RASGRP1: variants seen among roughly 807,000 people sequenced by gnomAD.
RASGRP1 encodes the protein RAS guanyl releasing protein 1, also known as RAS guanyl-releasing protein 1.
RASGRP1 carries 37 observed loss-of-function variants against 95.1 expected under a neutral mutation model. That is an observed-to-expected ratio of 0.39 (90% CI 0.30 to 0.51). The LOEUF (loss-of-function observed/expected upper bound fraction) is 0.51, where lower values mean the gene tolerates loss of function less well. RASGRP1 is among the 20% of genes least tolerant of loss of function. RASGRP1 has a pLI of 0.80. For missense variants in RASGRP1, 711 were observed against 965.4 expected (o/e 0.74, Z 3.49); for synonymous variants, 325 against 353.4 (o/e 0.92, Z 0.90).
intron 3 of RASGRP1, among the ~76,000 whole-genome samples, chr15:38,522,148 T>C (rs958747272): frequency 2.6e-5 from 4 of 152,178 alleles, no homozygotes; most frequent in African/African-American, 9.7e-5. Context: ...TAAGCCTTGC[T>C]CCCTGCCCTT....
At chr15:38,511,023 A>G (rs931723088) in intron 8 of RASGRP1, among the ~76,000 whole-genome samples, 4 of 152,238 alleles carry the variant, frequency 2.6e-5, no homozygotes, top group African/African-American at 9.6e-5. Flanking sequence ...TATATTCTGT[A>G]AAATCTAATA....
At chr15:38,556,029 GA>G (rs544950795) in intron 2 of RASGRP1, among the ~76,000 whole-genome samples, 362 of 151,896 alleles carry the variant, frequency 2.4e-3, no homozygotes, top group Non-Finnish European at 4.0e-3. Flanking sequence ...CTTGTAAAGG[GA>G]AAAAAAATAA....
At position 38,559,898 on chromosome 15, in the gene RASGRP1, C is replaced by T. The variant is rs202243185; in HGVS notation, c.143G>A (p.Arg48Gln). 145 of 1,613,788 alleles carry T rather than the reference C, an allele frequency of 9.0e-5. No individual in the cohort carries two copies. In the African/African-American group the frequency reaches 1.6e-3, roughly 18 times the overall value. The change falls in exon 2 of 17, where the codon CGA becomes CAA. Residue 48 changes from arginine to glutamine, a missense_variant. Physicochemically the swap from Arg to Gln is conservative, Grantham distance 43. This residue lies in a region of RASGRP1 where 491 missense variants were observed against 676.6 expected (regional missense o/e 0.73). Transcript: ENST00000310803. ...HPSLAHITQF[R>Q]MMVSLGHLAK... ...TAAATGTCCCAGAGACACCATCATT[C>T]GGAACTGGGTGATGTGGGCCAAGCT...
intron 2 of RASGRP1, among the ~76,000 whole-genome samples, chr15:38,538,569 C>A (rs1892749176): frequency 6.6e-6 from 1 of 152,096 alleles, no homozygotes; most frequent in African/African-American, 2.4e-5. Flanking sequence ...GTATATTAAC[C>A]CTGTGAGACA....
chr15:38,558,515 C>T (rs914830800), intron 2 of RASGRP1, among the ~76,000 whole-genome samples: 38 of 152,316 alleles, frequency 2.5e-4, no homozygotes, highest in African/African-American at 7.7e-4. Context: ...TCGCGAAGTG[C>T]GCTTCTTGGG....
chr15:38,564,139 G>A (rs1272523625), intron 1 of RASGRP1, among the ~76,000 whole-genome samples: 1 of 152,212 alleles, frequency 6.6e-6, no homozygotes, highest in African/African-American at 2.4e-5. Context: ...TGCCACCTCT[G>A]CGGGCTCCCT....
chr15:38,554,507 G>A (rs111831591), intron 2 of RASGRP1, among the ~76,000 whole-genome samples: 2,625 of 152,172 alleles, frequency 0.017, 38 homozygotes, highest in South Asian at 0.024. Context: ...TCTCTACAGC[G>A]GGGCCTGCAA....
rs1401820888 is a variant in RASGRP1 at position 38,512,789 on chromosome 15, C to G, written c.843G>C (p.Val281=). ...TCTTAAACCAGTTATTCACCTGAGC[C>G]ACCTGGATGAACTTGATGAAGACTT... ...RAEVFIKFIQ[V]AQKLHQLQNF... is the part of the protein sequence containing the mutation. Residue 281 remains valine, a synonymous_variant, in exon 7 of 17, where the codon GTG becomes GTC. Transcript: ENST00000310803. 6.2e-7 allele frequency: 1 copy of G among 1,613,662 alleles called. No homozygotes were observed. Among genetic ancestry groups the G allele is most frequent in the South Asian group, 1.1e-5 (1 of 91,068 alleles).
intron 1 of RASGRP1, among the ~76,000 whole-genome samples, chr15:38,564,353 G>A (rs970357212): frequency 6.6e-6 from 1 of 152,134 alleles, no homozygotes; most frequent in Non-Finnish European, 1.5e-5. Flanking sequence ...CACCGGACGA[G>A]CTCTGGCCTC....
Position 38,503,351 on chromosome 15 carries a change from A to G in RASGRP1, c.1349T>C (p.Val450Ala). 2 of 1,611,678 alleles carry G rather than the reference A, an allele frequency of 1.2e-6. No homozygotes were observed. Among genetic ancestry groups the G allele is most frequent in the Non-Finnish European group, 1.7e-6 (2 of 1,178,824 alleles). The part of the protein sequence containing the change: ...APPLTPSKPP[V>A]VVDWASGVSP... Reference sequence around the variant, plus strand: ...CACTCCAGAAGCCCAGTCCACTACTACTGGTGGCTTTGAAGGTGTTAGTGG... The same window carrying G: ...CACTCCAGAAGCCCAGTCCACTACTGCTGGTGGCTTTGAAGGTGTTAGTGG... Residue 450 changes from valine to alanine, a missense_variant, in exon 11 of 17, where the codon GTA becomes GCA. Coordinates refer to ENST00000310803, the MANE Select transcript of RASGRP1 (RefSeq NM_005739.4).
chr15:38,507,685 A>G lies in RASGRP1; in HGVS notation c.1242+41T>C, dbSNP rs374614017. 9 of 1,540,142 alleles carry G rather than the reference A, an allele frequency of 5.8e-6. No homozygotes were observed. In the African/African-American group the frequency reaches 8.2e-5, roughly 14 times the overall value. The stretch of plus-strand genomic sequence containing the variant: ...AGGGGTATAGAATGGCACCTGGCAC[A>G]CAGAAAGTGCTTAGTAATTGTCCTC... On this transcript the variant is annotated intron_variant, in intron 9 of 16. Transcript: ENST00000310803.
In RASGRP1 at chr15:38,503,283, T is replaced by A; in HGVS notation, c.1417A>T (p.Arg473Trp). ...ACAGCTGTACTTACATCCACCATCC[T>A]CTGGACGTGTTTGCTAATGGTTTTT... ...DPKTISKHVQ[R>W]MVDSVFKNYD... Residue 473 changes from arginine to tryptophan, a missense_variant, in exon 11 of 17, where the codon AGG (arginine) becomes TGG (tryptophan). Coordinates refer to ENST00000310803, the MANE Select transcript of RASGRP1 (RefSeq NM_005739.4). 6.2e-7 allele frequency: 1 copy of A among 1,608,468 alleles called. No individual in the cohort carries two copies. The highest frequency in any genetic ancestry group is 1.3e-5 in the African/African-American group (1 of 74,952).
intron 8 of RASGRP1, 47 bp downstream of exon 8, chr15:38,511,557 A>AT (rs1364928699): frequency 1.0e-5 from 15 of 1,436,578 alleles, no homozygotes; most frequent in African/African-American, 4.2e-5. Context: ...GTTGGCACAC[A>AT]TCTTGAGAAT....
chr15:38,539,372 T>C (rs1231867659), intron 2 of RASGRP1, among the ~76,000 whole-genome samples: 1 of 152,194 alleles, frequency 6.6e-6, no homozygotes, highest in African/African-American at 2.4e-5. Flanking sequence ...ACTACAATTC[T>C]GCATGATCGA....
intron 8 of RASGRP1, among the ~76,000 whole-genome samples, chr15:38,509,810 T>A (rs1358241803): frequency 6.6e-6 from 1 of 152,216 alleles, no homozygotes; most frequent in African/African-American, 2.4e-5. Flanking sequence ...CTCAGATAAC[T>A]GAAACTACAG....
rs548746280 is a variant in RASGRP1, at chr15:38,522,995, G to A, written c.326+3304C>T. 5.9e-5 allele frequency among the ~76,000 whole-genome samples: 9 copies of A among 152,242 alleles called. No homozygotes were observed. The East Asian group carries it at 1.3e-3, about 23-fold the overall frequency. On this transcript the variant is annotated intron_variant, in intron 3 of 16. Coordinates refer to ENST00000310803, the MANE Select transcript of RASGRP1 (RefSeq NM_005739.4). ...GACAGTGGTTCAGGAGAGAGACCAC[G>A]GAGACATGAACTAAGGCATGGTATG...
chr15:38,535,192 C>A (rs554220866), intron 2 of RASGRP1, among the ~76,000 whole-genome samples: 26 of 152,134 alleles, frequency 1.7e-4, no homozygotes, highest in Non-Finnish European at 1.2e-4. Flanking sequence ...AGTAGAGGAA[C>A]CTCCACAAGA....
Position 38,551,842 on chromosome 15 carries a change from C to T in RASGRP1, c.220+7979G>A, listed in dbSNP as rs1002960619. On this transcript the variant is annotated intron_variant, in intron 2 of 16. Coordinates refer to ENST00000310803, the MANE Select transcript of RASGRP1 (RefSeq NM_005739.4). ...AAATAGGCAAAGGATATGAACAGAC[C>T]GTTCATAAAACTGGAAATACAGTAG... is the stretch of plus-strand genomic sequence containing the variant. Among the ~76,000 whole-genome samples the T allele has an allele frequency of 4.4e-4, 67 of 151,968 alleles. 3 individuals carry two copies. The highest frequency in any genetic ancestry group is 1.2e-4 in the African/African-American group (5 of 41,378).
At chr15:38,548,630 AG>A (rs59460536) in intron 2 of RASGRP1, among the ~76,000 whole-genome samples, 9,035 of 152,270 alleles carry the variant, frequency 0.059, 920 homozygotes, top group African/African-American at 0.21. Context: ...AAACAACGTA[AG>A]GGACCTCCAT....
Sources: gnomAD v4.1 joint callset for allele counts (sites outside exome capture counted in the v4.1 genomes callset) on GRCh38, gnomAD v4.1.1 for gene constraint, gnomAD v4.1.1 regional missense constraint, MANE v1.5 for transcripts, NCBI Gene and HGNC (gene_info 2026-07-23, HGNC 2026-07-21) for gene names.